The following MTA3 variants were observed in gnomAD, a reference collection of about 807,000 sequenced individuals.
The protein encoded by MTA3 is metastasis associated 1 family member 3.
Under a neutral mutation model 83.5 loss-of-function variants are expected in MTA3, and 34 were observed. The ratio of observed to expected loss-of-function variants is 0.41; its 90% CI spans 0.31 to 0.54. The LOEUF is 0.54. Ranked by LOEUF, MTA3 falls within the 20% of genes least tolerant of loss-of-function variation. MTA3 has a pLI of 0.33. For missense variants in MTA3, 761 were observed against 726.4 expected, an observed-to-expected ratio of 1.05 and a Z score of -0.55; for synonymous variants, 303 against 252.7, an observed-to-expected ratio of 1.20 and a Z score of -1.89.
intron 3 of MTA3, among the ~76,000 whole-genome samples, chr2:42,588,769 A>G (rs1051661556): frequency 6.6e-6 from 1 of 151,436 alleles, no homozygotes; most frequent in Non-Finnish European, 1.5e-5. Context: ...AAATATACAG[A>G]CACATATGTA....
intron 14 of MTA3, among the ~76,000 whole-genome samples, chr2:42,709,718 C>T (rs1475073952): frequency 6.6e-6 from 1 of 152,164 alleles, no homozygotes; most frequent in Non-Finnish European, 1.5e-5. Flanking sequence ...TCTGAAATTA[C>T]ACATTGCATT....
intron 2 of MTA3, among the ~76,000 whole-genome samples, chr2:42,538,924 G>A (rs1183172032): frequency 3.4e-5 from 5 of 148,982 alleles, no homozygotes; most frequent in African/African-American, 1.2e-4. Context: ...ACAGGCGCCC[G>A]CCACCGTGCC....
chr2:42,596,243 G>A (rs115255873), intron 3 of MTA3, among the ~76,000 whole-genome samples: 76 of 152,310 alleles, frequency 5.0e-4, no homozygotes, highest in African/African-American at 1.7e-3. Flanking sequence ...CAGTCAGCCT[G>A]CTACTCTCCT....
intron 16 of MTA3, among the ~76,000 whole-genome samples, chr2:42,724,636 TCA>T (rs10560395): frequency 0.56 from 78,839 of 141,506 alleles, 21,201 homozygotes; most frequent in Middle Eastern, 0.71. Flanking sequence ...AGAGACCCCA[TCA>T]CACACACACA....
chr2:42,690,129 T>C (rs1018445529), intron 9 of MTA3, among the ~76,000 whole-genome samples: 1 of 152,122 alleles, frequency 6.6e-6, no homozygotes, highest in Admixed American at 6.5e-5. Flanking sequence ...GAATAGCTAC[T>C]GCACTCCAGC....
At chr2:42,638,889 G>GTT (rs11367463) in intron 4 of MTA3, among the ~76,000 whole-genome samples, 1 of 146,588 alleles carries the variant, frequency 6.8e-6, no homozygotes, top group Non-Finnish European at 1.5e-5. Context: ...TTTATAAGGG[G>GTT]TTTTTTTTTT....
At chr2:42,701,951 C>T (rs1276322643) in intron 11 of MTA3, among the ~76,000 whole-genome samples, 1 of 151,468 alleles carries the variant, frequency 6.6e-6, no homozygotes, top group Non-Finnish European at 1.5e-5. Flanking sequence ...TGGCTCACGC[C>T]TGTAATCCCA....
intron 3 of MTA3, among the ~76,000 whole-genome samples, chr2:42,607,647 C>CT (rs1360216169): frequency 6.6e-6 from 1 of 152,164 alleles, no homozygotes; most frequent in Non-Finnish European, 1.5e-5. Context: ...CCTGGCCTGT[C>CT]TAACTTTAAA....
chr2:42,647,112 G>A (rs557197566), intron 6 of MTA3, among the ~76,000 whole-genome samples: 131 of 127,946 alleles, frequency 1.0e-3, no homozygotes, highest in African/African-American at 3.5e-3. Flanking sequence ...AGCCGAGATC[G>A]CGCCACTGCA....
intron 4 of MTA3, among the ~76,000 whole-genome samples, chr2:42,634,946 A>T (rs1401476598): frequency 6.6e-6 from 1 of 152,120 alleles, no homozygotes; most frequent in Non-Finnish European, 1.5e-5. Flanking sequence ...AGTATTATGT[A>T]TTCTTTCTTG....
chr2:42,656,915 A>G (rs919033039), intron 7 of MTA3, among the ~76,000 whole-genome samples: 2 of 152,354 alleles, frequency 1.3e-5, no homozygotes, highest in Middle Eastern at 3.4e-3. Context: ...GAATGAATTA[A>G]AGCTATATGT....
chr2:42,735,401 C>T (rs771608830), intron 16 of MTA3, among the ~76,000 whole-genome samples: 30 of 152,062 alleles, frequency 2.0e-4, no homozygotes, highest in Non-Finnish European at 2.8e-4. Flanking sequence ...TTTTTAAAAT[C>T]CTTGACTTTT....
intron 3 of MTA3, among the ~76,000 whole-genome samples, chr2:42,580,029 G>A (rs1164455007): frequency 6.6e-6 from 1 of 152,014 alleles, no homozygotes; most frequent in African/African-American, 2.4e-5. Flanking sequence ...CTGCAGCCTC[G>A]ATGTCCCGGG....
chr2:42,616,558 CTCT>C (rs1468779229), intron 4 of MTA3, among the ~76,000 whole-genome samples: 6 of 121,402 alleles, frequency 4.9e-5, no homozygotes, highest in South Asian at 5.7e-4. Context: ...TTTGATTAAT[CTCT>C]TCTTCTTCTT....
intron 16 of MTA3, among the ~76,000 whole-genome samples, chr2:42,746,892 G>T (rs1264522095): frequency 6.6e-6 from 1 of 152,226 alleles, no homozygotes; most frequent in Non-Finnish European, 1.5e-5. Flanking sequence ...ACTTAATTGG[G>T]TAGGCGTGAT....
intron 4 of MTA3, among the ~76,000 whole-genome samples, chr2:42,621,930 C>T (rs1328143572): frequency 9.9e-5 from 15 of 151,256 alleles, no homozygotes; most frequent in Non-Finnish European, 1.9e-4. Context: ...ACTGGGCAGC[C>T]GGGCAGAGGG....
intron 16 of MTA3, among the ~76,000 whole-genome samples, chr2:42,725,943 A>G (rs1667780905): frequency 6.6e-6 from 1 of 152,202 alleles, no homozygotes; most frequent in Non-Finnish European, 1.5e-5. Context: ...TGTGTTACGA[A>G]TGGACCTTTT....
chr2:42,726,128 T>G (rs1034139463), intron 16 of MTA3, among the ~76,000 whole-genome samples: 1 of 152,200 alleles, frequency 6.6e-6, no homozygotes, highest in African/African-American at 2.4e-5. Context: ...CCTTGTTCTG[T>G]GTGATCCAAT....
chr2:42,683,168 C>CT (rs1436488678), intron 9 of MTA3, among the ~76,000 whole-genome samples: 2 of 152,208 alleles, frequency 1.3e-5, no homozygotes, highest in African/African-American at 4.8e-5. Flanking sequence ...TTACTTCTCT[C>CT]TGAGTTCCAA....
Sources: allele counts gnomAD v4.1 joint callset (sites outside exome capture counted in the v4.1 genomes callset), GRCh38; gene constraint gnomAD v4.1.1; transcripts MANE v1.5; gene names NCBI Gene and HGNC (gene_info 2026-07-23, HGNC 2026-07-21).